The following ZFHX3 variants were observed in gnomAD, a reference collection of about 807,000 sequenced individuals.
The protein encoded by ZFHX3 is zinc finger homeobox 3.
In ZFHX3, 42 loss-of-function variants were observed where a neutral mutation model predicts 279.1. That is an observed-to-expected ratio of 0.15 (90% CI 0.12 to 0.19). The LOEUF (loss-of-function observed/expected upper bound fraction) is 0.19. Ranked by LOEUF, ZFHX3 falls within the 10% of genes least tolerant of loss-of-function variation. The pLI, the probability that ZFHX3 is intolerant of heterozygous loss-of-function variation, is 1.00. For synonymous variants in ZFHX3, 2,293 were observed against 1,957.8 expected (o/e 1.17, Z -4.52); for missense variants, 4,981 against 4,754.0 (o/e 1.05, Z -1.40).
At chr16:73,496,097 T>C (rs1379660481) in intron 2 of ZFHX3, among the ~76,000 whole-genome samples, 1 of 152,186 alleles carries the variant, frequency 6.6e-6, no homozygotes, top group Non-Finnish European at 1.5e-5. Flanking sequence ...TGAGATAGCC[T>C]ATAAATCCTA....
At chr16:73,657,171 A>G (rs529676629) in intron 2 of ZFHX3, among the ~76,000 whole-genome samples, 7 of 152,326 alleles carry the variant, frequency 4.6e-5, no homozygotes, top group African/African-American at 1.2e-4. Context: ...AAAATGTACA[A>G]TTTGGCTGGG....
intron 2 of ZFHX3, among the ~76,000 whole-genome samples, chr16:73,670,651 G>C (rs556179291): frequency 3.9e-5 from 6 of 152,258 alleles, no homozygotes; most frequent in African/African-American, 1.4e-4. Context: ...ATGAAATAAG[G>C]AGTAAAAACA....
At chr16:72,948,597 T>C (rs1960823028) in intron 3 of ZFHX3, among the ~76,000 whole-genome samples, 2 of 152,110 alleles carry the variant, frequency 1.3e-5, no homozygotes, top group South Asian at 2.1e-4. Context: ...AGACTCTTAT[T>C]CAAGACTCCA....
intron 1 of ZFHX3, among the ~76,000 whole-genome samples, chr16:73,036,386 G>T (rs1026855089): frequency 9.8e-5 from 15 of 152,290 alleles, no homozygotes; most frequent in African/African-American, 3.4e-4. Context: ...TCCAGCAGCC[G>T]GATTAGCACA....
intron 2 of ZFHX3, among the ~76,000 whole-genome samples, chr16:73,645,322 T>C (rs915604502): frequency 6.6e-6 from 1 of 152,202 alleles, no homozygotes; most frequent in Non-Finnish European, 1.5e-5. Flanking sequence ...AGTGGCATGA[T>C]CTCGGCTCAC....
At chr16:73,552,051 G>A (rs2020211444) in intron 2 of ZFHX3, among the ~76,000 whole-genome samples, 1 of 152,140 alleles carries the variant, frequency 6.6e-6, no homozygotes, top group Non-Finnish European at 1.5e-5. Context: ...GAGACAGAGA[G>A]AGAGAGAAAG....
At position 72,829,677 on chromosome 16, in the gene ZFHX3, C is replaced by T. The variant is rs912096590; in HGVS notation, c.3529+102G>A. On this transcript the variant is annotated intron_variant, in intron 5 of 9. Coordinates refer to ENST00000268489, the MANE Select transcript of ZFHX3 (RefSeq NM_006885.4). ...TTTCTGGGCAGACTAAGGATGTATC[C>T]GCTCCCTGACTTGTTAGCTCCATTC... 29 of 1,332,518 alleles carry T rather than the reference C, an allele frequency of 2.2e-5. No homozygotes were observed. The East Asian group carries it at 3.7e-4, about 17-fold the overall frequency. 82.5% of individuals were successfully genotyped at this position (1,332,518 alleles called of 1,614,324 possible).
Position 73,766,293 on chromosome 16 carries a change from C to A in ZFHX3, c.-1607-86053G>T, listed in dbSNP as rs1219933501. Among the ~76,000 whole-genome samples the A allele has an allele frequency of 9.2e-5, 14 of 152,292 alleles. No homozygotes were observed. The South Asian group carries it at 2.7e-3, about 29-fold the overall frequency. ...AAAGGCCTGTTGACTCCTTGTATCA[C>A]AATTTTAAGATATTTTAACTTAAAA... is the stretch of plus-strand genomic sequence containing the variant. On this transcript the variant is annotated intron_variant, in intron 1 of 17. Transcript: ENST00000641206.
At chr16:73,858,487 C>T (rs189514748) in intron 1 of ZFHX3, among the ~76,000 whole-genome samples, 1 of 152,310 alleles carries the variant, frequency 6.6e-6, no homozygotes, top group East Asian at 1.9e-4. Context: ...GATTATGTTT[C>T]CATGAATTGC....
Position 72,960,107 on chromosome 16 carries a change from G to A in ZFHX3, c.39C>T (p.Asp13=), listed in dbSNP as rs1356221096. 8 of 1,600,566 alleles carry A rather than the reference G, an allele frequency of 5.0e-6. No individual in the cohort carries two copies. The African/African-American group carries it at 9.4e-5, about 19-fold the overall frequency. The part of the protein sequence containing the change: ...GCDSPVVSGK[D]NGCGIPQHQQ... ...GGTGCTGAGGGATACCGCACCCATT[G>A]TCCTTCCCCGAGACGACGGGCGAGT... Residue 13 remains aspartate, a synonymous_variant, in exon 2 of 10, where the codon GAC becomes GAT. Transcript: ENST00000268489.
chr16:73,419,595 A>G (rs1035000969), intron 3 of ZFHX3, among the ~76,000 whole-genome samples: 4 of 151,882 alleles, frequency 2.6e-5, no homozygotes, highest in Non-Finnish European at 5.9e-5. Context: ...CACCTTTGCT[A>G]GCATTTACTA....
At chr16:73,792,709 A>G (rs1234566704) in intron 1 of ZFHX3, among the ~76,000 whole-genome samples, 2 of 152,156 alleles carry the variant, frequency 1.3e-5, no homozygotes, top group African/African-American at 4.8e-5. Context: ...GAGAATGGCA[A>G]GTGGTGGGTG....
chr16:73,442,426 A>G (rs1454821639), intron 3 of ZFHX3, among the ~76,000 whole-genome samples: 2 of 151,478 alleles, frequency 1.3e-5, no homozygotes, highest in African/African-American at 4.9e-5. Context: ...TAGCACGATC[A>G]TAGCTCACTG....
intron 1 of ZFHX3, among the ~76,000 whole-genome samples, chr16:73,865,984 C>CAAACA (rs1011503859): frequency 4.6e-5 from 7 of 151,886 alleles, no homozygotes; most frequent in African/African-American, 9.7e-5. Flanking sequence ...GACTCCGTCT[C>CAAACA]AAACAAAACA....
intron 2 of ZFHX3, among the ~76,000 whole-genome samples, chr16:73,674,013 T>C (rs2052929561): frequency 6.6e-6 from 1 of 151,954 alleles, no homozygotes; most frequent in East Asian, 1.9e-4. Flanking sequence ...CAAAAACATC[T>C]CCCAAACTCA....
chr16:72,955,913 T>C (rs1255268159), intron 2 of ZFHX3, among the ~76,000 whole-genome samples: 1 of 152,156 alleles, frequency 6.6e-6, no homozygotes, highest in Non-Finnish European at 1.5e-5. Context: ...CTCCTTCTAA[T>C]TCCTACTGGC....
chr16:73,166,372 C>G (rs941209118), intron 5 of ZFHX3, among the ~76,000 whole-genome samples: 1 of 152,128 alleles, frequency 6.6e-6, no homozygotes, highest in Non-Finnish European at 1.5e-5. Context: ...AAGAAGGAAG[C>G]TGGGAACAGT....
At chr16:73,187,732 G>C (rs555984760) in intron 5 of ZFHX3, among the ~76,000 whole-genome samples, 12 of 152,218 alleles carry the variant, frequency 7.9e-5, no homozygotes, top group Non-Finnish European at 1.5e-4. Flanking sequence ...CTTTGTTCAC[G>C]TGAAGTGGTG....
rs575634342 is a variant in ZFHX3 at position 72,972,305 on chromosome 16, A to G, written c.-49-12111T>C. Among the ~76,000 whole-genome samples, 55 of 152,192 alleles carry G rather than the reference A, an allele frequency of 3.6e-4. No individual in the cohort carries two copies. The South Asian group carries it at 0.011, about 32-fold the overall frequency. ...CCCCTTGAGTTCCTACCAGTCCACC[A>G]TCCTATAAGCTCCTGGACAGGAGAG... On this transcript the variant is annotated intron_variant, in intron 1 of 9. Transcript: ENST00000268489.
Sources: allele counts gnomAD v4.1 joint callset (sites outside exome capture counted in the v4.1 genomes callset), GRCh38; gene constraint gnomAD v4.1.1; transcripts MANE v1.5; gene names NCBI Gene and HGNC (gene_info 2026-07-23, HGNC 2026-07-21).